Variants in MED13L observed in about 807,000 individuals in gnomAD.
MED13L encodes the protein mediator of RNA polymerase II transcription subunit 13-like.
Under a neutral mutation model 220.9 loss-of-function variants are expected in MED13L, and 7 were observed. The ratio of observed to expected loss-of-function variants is 0.03; its 90% CI spans 0.02 to 0.06. MED13L has a LOEUF of 0.06. Ranked by LOEUF, MED13L falls within the 10% of genes least tolerant of loss-of-function variation. The pLI, the probability that MED13L is intolerant of heterozygous loss-of-function variation, is 1.00. For missense variants in MED13L, 1,965 were observed against 2,760.5 expected, an observed-to-expected ratio of 0.71 and a Z score of 6.46; for synonymous variants, 1,011 against 1,015.2, an observed-to-expected ratio of 1.00 and a Z score of 0.08.
intron 2 of MED13L, chr12:116,231,968 C>T: frequency 2.3e-6 from 1 of 443,310 alleles, no homozygotes; most frequent in Non-Finnish European, 3.0e-6. Context: ...GATTACAAAA[C>T]TAAAAAAATC....
At chr12:116,119,937 C>G (rs569869876) in intron 2 of MED13L, among the ~76,000 whole-genome samples, 4 of 144,024 alleles carry the variant, frequency 2.8e-5, no homozygotes, top group Admixed American at 1.4e-4. Context: ...CAGCAGCATA[C>G]AGGGATCAAA....
intron 23 of MED13L, chr12:115,980,513 G>A: frequency 1.1e-5 from 6 of 560,304 alleles, no homozygotes; most frequent in South Asian, 1.0e-4. Flanking sequence ...TTGTAGAGAT[G>A]GGGTCTTGCT....
chr12:116,246,890 A>G (rs939311435), intron 1 of MED13L, among the ~76,000 whole-genome samples: 2 of 11,504 alleles, frequency 1.7e-4, no homozygotes, highest in Non-Finnish European at 3.1e-4. Context: ...GGAGGTGGGG[A>G]GGTGGGGAGG....
intron 1 of MED13L, among the ~76,000 whole-genome samples, chr12:116,269,031 G>A (rs999812607): frequency 3.3e-5 from 5 of 152,148 alleles, no homozygotes; most frequent in African/African-American, 1.2e-4. Context: ...TCGCTGCACA[G>A]ATTAACCCAT....
intron 4 of MED13L, among the ~76,000 whole-genome samples, chr12:116,072,490 C>A (rs577089222): frequency 1.3e-5 from 2 of 152,078 alleles, no homozygotes; most frequent in Admixed American, 1.3e-4. Context: ...CTCGCTCTGC[C>A]GCCCAGGCTA....
At chr12:116,068,790 T>C (rs937895599) in intron 4 of MED13L, among the ~76,000 whole-genome samples, 1 of 150,720 alleles carries the variant, frequency 6.6e-6, no homozygotes, top group Non-Finnish European at 1.5e-5. Flanking sequence ...CCTGTAATAA[T>C]ACCTGTCTGT....
intron 1 of MED13L, among the ~76,000 whole-genome samples, chr12:116,271,099 A>G (rs1204411836): frequency 6.6e-6 from 1 of 151,370 alleles, no homozygotes; most frequent in African/African-American, 2.4e-5. Context: ...GCTCAGAAAG[A>G]AGTTAAATGA....
At chr12:116,257,628 GAA>G (rs1565953577) in intron 1 of MED13L, among the ~76,000 whole-genome samples, 1 of 152,136 alleles carries the variant, frequency 6.6e-6, no homozygotes, top group Non-Finnish European at 1.5e-5. Flanking sequence ...TGCCTGTACA[GAA>G]AAAGAGATTA....
At chr12:116,261,982 A>C (rs1872548920) in intron 1 of MED13L, among the ~76,000 whole-genome samples, 1 of 152,168 alleles carries the variant, frequency 6.6e-6, no homozygotes, top group Non-Finnish European at 1.5e-5. Context: ...TTCTCTCTAA[A>C]ACATAAATCT....
chr12:115,984,125 C>T (rs1877524119), intron 20 of MED13L, 55 bp downstream of exon 20: 21 of 1,547,282 alleles, frequency 1.4e-5, no homozygotes, highest in East Asian at 4.5e-5. Flanking sequence ...AGGGATGGGA[C>T]GGATTTGCTA....
At chr12:116,087,250 CCATAA>C (rs1871774042) in intron 4 of MED13L, among the ~76,000 whole-genome samples, 1 of 151,986 alleles carries the variant, frequency 6.6e-6, no homozygotes, top group African/African-American at 2.4e-5. Flanking sequence ...TTATTCAATA[CCATAA>C]AATTCATCAC....
intron 5 of MED13L, 34 bp from the exon 6 acceptor site, chr12:116,020,006 T>TA (rs753189197): frequency 6.3e-7 from 1 of 1,576,636 alleles, no homozygotes; most frequent in East Asian, 2.2e-5. Context: ...TGCTAAACAT[T>TA]AGAGAAATAA....
At chr12:116,190,650 T>C (rs1047642680) in intron 2 of MED13L, among the ~76,000 whole-genome samples, 1 of 152,234 alleles carries the variant, frequency 6.6e-6, no homozygotes, top group African/African-American at 2.4e-5. Context: ...CTCCTTTGCA[T>C]TTCATGCTTT....
chr12:116,193,368 T>G (rs917716281), intron 2 of MED13L, among the ~76,000 whole-genome samples: 1 of 152,208 alleles, frequency 6.6e-6, no homozygotes, highest in Non-Finnish European at 1.5e-5. Flanking sequence ...TCAAAAATAT[T>G]TTTCAATGTA....
chr12:116,025,030 T>G (rs1338539207), intron 4 of MED13L, among the ~76,000 whole-genome samples: 2 of 152,166 alleles, frequency 1.3e-5, no homozygotes, highest in Non-Finnish European at 2.9e-5. Flanking sequence ...CACTACAGCT[T>G]TACAGTATAC....
intron 1 of MED13L, among the ~76,000 whole-genome samples, chr12:116,241,230 G>A (rs1009828416): frequency 7.9e-5 from 12 of 151,428 alleles, no homozygotes; most frequent in East Asian, 5.9e-4. Flanking sequence ...GCTTGAACCC[G>A]GGAGGCAGAG....
chr12:116,237,419 C>CA (rs1231038576), intron 2 of MED13L, 49 bp downstream of exon 2: 3 of 1,426,634 alleles, frequency 2.1e-6, no homozygotes, highest in African/African-American at 1.4e-5. Flanking sequence ...TATCAATGTT[C>CA]AAAAAAATAT....
At chr12:116,261,468 G>A (rs1448542908) in intron 1 of MED13L, among the ~76,000 whole-genome samples, 1 of 146,812 alleles carries the variant, frequency 6.8e-6, no homozygotes, top group Non-Finnish European at 1.5e-5. Flanking sequence ...CTGTACTCCA[G>A]CCTGGGCAAC....
intron 2 of MED13L, among the ~76,000 whole-genome samples, chr12:116,167,204 G>C (rs528817047): frequency 6.6e-6 from 1 of 152,256 alleles, no homozygotes; most frequent in East Asian, 1.9e-4. Context: ...ATGTTTTATA[G>C]AGAAGAATAT....
Sources: allele counts gnomAD v4.1 joint callset (sites outside exome capture counted in the v4.1 genomes callset), GRCh38; gene constraint gnomAD v4.1.1; transcripts MANE v1.5; gene names NCBI Gene and HGNC (gene_info 2026-07-23, HGNC 2026-07-21).